CFAP58: variants seen among roughly 807,000 people sequenced by gnomAD.
CFAP58 encodes cilia and flagella associated protein 58, also known as cilia- and flagella-associated protein 58.
In CFAP58, 88 loss-of-function variants were observed where a neutral mutation model predicts 119.5. The observed-to-expected ratio is 0.74, with a 90% CI of 0.62 to 0.88. The LOEUF (loss-of-function observed/expected upper bound fraction) is 0.88, where lower values mean the gene tolerates loss of function less well. Ranked by LOEUF, CFAP58 falls within the 40% of genes least tolerant of loss-of-function variation. The probability of loss-of-function intolerance (pLI) is 0.00; values close to 1 mark genes in which losing one functional copy is unlikely to be tolerated. For synonymous variants in CFAP58, 365 were observed against 366.3 expected (o/e 1.00, Z 0.04); for missense variants, 990 against 1,021.2 (o/e 0.97, Z 0.42).
At chr10:104,407,101 A>G (rs989586511) in intron 15 of CFAP58, among the ~76,000 whole-genome samples, 4 of 152,194 alleles carry the variant, frequency 2.6e-5, no homozygotes, top group African/African-American at 7.2e-5. Context: ...ATTTTTCTTC[A>G]TATCTTCATA....
the CFAP58 span, among the ~76,000 whole-genome samples, chr10:104,344,555 A>T: frequency 6.6e-6 from 1 of 151,900 alleles, no homozygotes; most frequent in African/African-American, 2.4e-5. Flanking sequence ...TTTTTTTCCT[A>T]CCTGTCCTCA....
chr10:104,440,314 A>C (rs964252917), intron 15 of CFAP58, among the ~76,000 whole-genome samples: 3 of 149,962 alleles, frequency 2.0e-5, no homozygotes, highest in African/African-American at 7.5e-5. Flanking sequence ...ATAGGAAAAA[A>C]AAATTCTTTG....
chr10:104,416,653 A>C (rs1296623522), intron 15 of CFAP58, among the ~76,000 whole-genome samples: 1 of 152,180 alleles, frequency 6.6e-6, no homozygotes, highest in Non-Finnish European at 1.5e-5. Context: ...ACATTTGTTT[A>C]ATATTTACAC....
chr10:104,449,166 T>TTG (rs796905905), intron 16 of CFAP58, among the ~76,000 whole-genome samples: 3 of 152,134 alleles, frequency 2.0e-5, no homozygotes, highest in African/African-American at 7.2e-5. Context: ...GACAGGTTTT[T>TTG]TTTTTTTTTT....
intron 2 of CFAP58, among the ~76,000 whole-genome samples, chr10:104,359,937 C>A (rs2014644028): frequency 6.6e-6 from 1 of 152,156 alleles, no homozygotes; most frequent in Non-Finnish European, 1.5e-5. Flanking sequence ...ATGTAAATAT[C>A]TTTCATTTGT....
chr10:104,388,335 C>T (rs1445851999), intron 9 of CFAP58, among the ~76,000 whole-genome samples: 2 of 152,146 alleles, frequency 1.3e-5, no homozygotes, highest in Non-Finnish European at 2.9e-5. Flanking sequence ...ATGCTAAGTA[C>T]TTATATGCTG....
intron 15 of CFAP58, among the ~76,000 whole-genome samples, chr10:104,418,103 G>C (rs898851174): frequency 6.6e-6 from 1 of 152,238 alleles, no homozygotes; most frequent in Non-Finnish European, 1.5e-5. Context: ...TTGGCACACA[G>C]CCAGGCTCAT....
At chr10:104,355,220 G>C (rs2014528069) in intron 1 of CFAP58, among the ~76,000 whole-genome samples, 1 of 151,940 alleles carries the variant, frequency 6.6e-6, no homozygotes, top group South Asian at 2.1e-4. Flanking sequence ...TATTGCTTTT[G>C]AGTGTTTTCT....
At chr10:104,401,214 T>G (rs982115927) in intron 13 of CFAP58, among the ~76,000 whole-genome samples, 2 of 152,118 alleles carry the variant, frequency 1.3e-5, no homozygotes, top group African/African-American at 2.4e-5. Context: ...ATTCAGAAAT[T>G]TTTTCCCCCA....
chr10:104,375,100 C>A (rs2133003824), intron 7 of CFAP58, among the ~76,000 whole-genome samples: 1 of 151,190 alleles, frequency 6.6e-6, no homozygotes, highest in Middle Eastern at 3.4e-3. Flanking sequence ...ACCATAAAAC[C>A]AAGATTGAGA....
At chr10:104,404,468 C>T (rs1196285564) in intron 14 of CFAP58, among the ~76,000 whole-genome samples, 1 of 152,178 alleles carries the variant, frequency 6.6e-6, no homozygotes, top group East Asian at 1.9e-4. Context: ...AAAGCCATCT[C>T]TTTAGTTGTA....
At chr10:104,442,433 C>T (rs1028638493) in intron 15 of CFAP58, among the ~76,000 whole-genome samples, 1 of 151,832 alleles carries the variant, frequency 6.6e-6, no homozygotes, top group African/African-American at 2.4e-5. Context: ...ACTGAAAATA[C>T]AAAAATTAGC....
chr10:104,404,518 A>G (rs1396752973), intron 14 of CFAP58, among the ~76,000 whole-genome samples: 1 of 151,304 alleles, frequency 6.6e-6, no homozygotes, highest in Non-Finnish European at 1.5e-5. Context: ...CGACTAAATG[A>G]ATGATCAGGG....
rs1175955448 is a variant in CFAP58, at chr10:104,368,473, T to C, written c.843T>C (p.Asn281=). 6.2e-7 allele frequency: 1 copy of C among 1,613,968 alleles called. No individual in the cohort carries two copies. Residue 281 remains asparagine (N), a synonymous_variant, in exon 6 of 18, where the codon AAT becomes AAC. Transcript: ENST00000369704. Reference sequence around the variant, plus strand: ...AACTCGAGCAATTTCAGATGAGAAATGCTAAACTTCAGCAAGAGAATGAAC... The same window carrying C: ...AACTCGAGCAATTTCAGATGAGAAACGCTAAACTTCAGCAAGAGAATGAAC... The part of the protein sequence containing the change: ...AKELEQFQMR[N]AKLQQENEQH...
intron 15 of CFAP58, among the ~76,000 whole-genome samples, chr10:104,413,896 A>G (rs1037177279): frequency 1.3e-4 from 20 of 152,210 alleles, no homozygotes; most frequent in African/African-American, 3.4e-4. Flanking sequence ...TTAAAACATG[A>G]TGAACACTCA....
chr10:104,388,347 C>T (rs549390600), intron 9 of CFAP58, among the ~76,000 whole-genome samples: 20 of 152,222 alleles, frequency 1.3e-4, no homozygotes, highest in South Asian at 6.2e-4. Flanking sequence ...TATATGCTGG[C>T]GTAGACATAT....
At chr10:104,402,018 A>T (rs1278157748) in intron 13 of CFAP58, among the ~76,000 whole-genome samples, 1 of 152,216 alleles carries the variant, frequency 6.6e-6, no homozygotes, top group Non-Finnish European at 1.5e-5. Context: ...ACCACATTTT[A>T]TCCATTCCCA....
At chr10:104,379,701 A>C (rs1025248826) in intron 8 of CFAP58, among the ~76,000 whole-genome samples, 1 of 152,224 alleles carries the variant, frequency 6.6e-6, no homozygotes, top group African/African-American at 2.4e-5. Context: ...CCATGGATTC[A>C]CATCTTTGCT....
intron 9 of CFAP58, among the ~76,000 whole-genome samples, chr10:104,390,101 T>C (rs976969931): frequency 6.6e-6 from 1 of 152,162 alleles, no homozygotes; most frequent in African/African-American, 2.4e-5. Flanking sequence ...ATATATGTCT[T>C]TTGAGCCAGC....
Sources: gnomAD v4.1 joint callset for allele counts (sites outside exome capture counted in the v4.1 genomes callset) on GRCh38, gnomAD v4.1.1 for gene constraint, MANE v1.5 for transcripts, NCBI Gene and HGNC (gene_info 2026-07-23, HGNC 2026-07-21) for gene names.